INPP4B: variants seen among roughly 807,000 people sequenced by gnomAD.
The protein encoded by INPP4B is inositol polyphosphate 4-phosphatase type II.
Under a neutral mutation model 122.5 loss-of-function variants are expected in INPP4B, and 55 were observed. That is an observed-to-expected ratio of 0.45 (90% CI 0.36 to 0.56). The LOEUF (loss-of-function observed/expected upper bound fraction) is 0.56, where lower values mean the gene tolerates loss of function less well. Ranked by LOEUF, INPP4B falls within the 20% of genes least tolerant of loss-of-function variation. The probability of loss-of-function intolerance (pLI) is 0.00; values close to 1 mark genes in which losing one functional copy is unlikely to be tolerated. For missense variants in INPP4B, 1,000 were observed against 1,097.7 expected (o/e 0.91, Z 1.26); for synonymous variants, 403 against 388.7 (o/e 1.04, Z -0.43).
At chr4:142,231,124 T>C (rs1374247799) in intron 12 of INPP4B, among the ~76,000 whole-genome samples, 2 of 152,192 alleles carry the variant, frequency 1.3e-5, no homozygotes, top group African/African-American at 4.8e-5. Flanking sequence ...ATAAAAACAG[T>C]TCATGTTGAG....
At chr4:142,737,770 A>G (rs535002761) in intron 1 of INPP4B, among the ~76,000 whole-genome samples, 65 of 151,816 alleles carry the variant, frequency 4.3e-4, no homozygotes, top group African/African-American at 1.4e-3. Context: ...TTACAAGAAA[A>G]AAACAACCCC....
chr4:142,784,837 C>T (rs79513655), intron 1 of INPP4B, among the ~76,000 whole-genome samples: 12,309 of 152,072 alleles, frequency 0.081, 583 homozygotes, highest in Middle Eastern at 0.13. Context: ...TTTGCCAGAG[C>T]TTTATCTGAC....
chr4:142,605,702 T>C (rs1303125575), intron 2 of INPP4B, among the ~76,000 whole-genome samples: 1 of 151,868 alleles, frequency 6.6e-6, no homozygotes, highest in African/African-American at 2.4e-5. Context: ...ATTAATCATA[T>C]GGGAAACACA....
At chr4:142,578,669 T>G (rs79529098) in intron 2 of INPP4B, among the ~76,000 whole-genome samples, 6,855 of 152,020 alleles carry the variant, frequency 0.045, 215 homozygotes, top group African/African-American at 0.07. Context: ...CTTAATCACC[T>G]CTTTCAACCC....
intron 2 of INPP4B, among the ~76,000 whole-genome samples, chr4:142,714,996 T>A (rs1763582837): frequency 6.6e-6 from 1 of 152,112 alleles, no homozygotes; most frequent in Non-Finnish European, 1.5e-5. Context: ...AGGAAATAAA[T>A]TAGGAAAGTC....
intron 25 of INPP4B, among the ~76,000 whole-genome samples, chr4:142,078,227 G>A (rs1771908379): frequency 6.6e-6 from 1 of 151,954 alleles, no homozygotes. Flanking sequence ...TACAAAGGGT[G>A]GATTCAGGTG....
intron 2 of INPP4B, among the ~76,000 whole-genome samples, chr4:142,483,630 A>G (rs567629445): frequency 6.6e-6 from 1 of 152,202 alleles, no homozygotes; most frequent in Non-Finnish European, 1.5e-5. Context: ...AAGAAATGAT[A>G]TGATTAGAGG....
chr4:142,701,311 G>A (rs1761732230), intron 2 of INPP4B, among the ~76,000 whole-genome samples: 1 of 152,008 alleles, frequency 6.6e-6, no homozygotes, highest in African/African-American at 2.4e-5. Context: ...AGTAGGAGAT[G>A]CCCCAAAACA....
intron 2 of INPP4B, among the ~76,000 whole-genome samples, chr4:142,482,852 A>G (rs1194346092): frequency 6.6e-6 from 1 of 152,132 alleles, no homozygotes; most frequent in South Asian, 2.1e-4. Context: ...AGAGTTTACA[A>G]TTCCCATTGG....
At position 142,112,561 on chromosome 4, in the gene INPP4B, G is replaced by C. The variant is rs1790762489; in HGVS notation, c.2257C>G (p.Gln753Glu). ...PVLFNVGINEQQTLAERFGDV... is the reference protein window; with the variant it reads ...PVLFNVGINEEQTLAERFGDV... ...GCTTACCTTTCAGCCAGAGTTTGCT[G>C]TTCATTGATTCCAACATTAAAAAGT... is the stretch of plus-strand genomic sequence containing the variant. Residue 753 changes from glutamine (Q) to glutamate (E), a missense_variant, in exon 22 of 26, where the codon CAG becomes GAG. Physicochemically the swap from Gln to Glu is conservative, Grantham distance 29. Coordinates refer to ENST00000262992, the MANE Select transcript of INPP4B (RefSeq NM_001101669.3). 3 of 1,613,002 alleles carry C rather than the reference G, an allele frequency of 1.9e-6. No homozygotes were observed. The highest frequency in any genetic ancestry group is 1.3e-5 in the African/African-American group (1 of 74,978).
intron 23 of INPP4B, among the ~76,000 whole-genome samples, chr4:142,102,310 T>C (rs1784822552): frequency 6.6e-6 from 1 of 152,060 alleles, no homozygotes; most frequent in African/African-American, 2.4e-5. Context: ...TTACTTAAAC[T>C]AAACCTAAGT....
intron 23 of INPP4B, among the ~76,000 whole-genome samples, chr4:142,093,434 A>G (rs1315518628): frequency 1.3e-5 from 2 of 152,206 alleles, no homozygotes; most frequent in Non-Finnish European, 2.9e-5. Flanking sequence ...TTATCTGGCA[A>G]TAAGCAACCA....
chr4:142,780,172 G>A (rs1378556244), intron 1 of INPP4B, among the ~76,000 whole-genome samples: 1 of 152,114 alleles, frequency 6.6e-6, no homozygotes, highest in East Asian at 1.9e-4. Flanking sequence ...TCTTTAAAGT[G>A]AACATTATTT....
Position 142,360,780 on chromosome 4 carries a change from A to C in INPP4B, c.372+42158T>G, listed in dbSNP as rs555023628. Among the ~76,000 whole-genome samples, 19 of 152,070 alleles carry C rather than the reference A, an allele frequency of 1.2e-4. 1 individual carries two copies. The South Asian group carries it at 3.9e-3, about 32-fold the overall frequency. On this transcript the variant is annotated intron_variant, in intron 7 of 25. Transcript: ENST00000262992. ...CATTTAATTATGTCAATTCACAAAAATAGTGATTATCATTTATAACATGTT... is the reference window on the plus strand; with the variant it reads ...CATTTAATTATGTCAATTCACAAAACTAGTGATTATCATTTATAACATGTT...
rs187283414 is a variant in INPP4B, at chr4:142,696,870, T to A, written c.-191+28969A>T. On this transcript the variant is annotated intron_variant, in intron 2 of 25. Transcript: ENST00000262992. ...TTATTAAATTACTTCCCTTTGCATG[T>A]TTTACTTGTTTTTATAACAGTGCTT... is the stretch of plus-strand genomic sequence containing the variant. Among the ~76,000 whole-genome samples, 385 of 152,292 alleles carry A rather than the reference T, an allele frequency of 2.5e-3. 2 individuals carry two copies. Among genetic ancestry groups the A allele is most frequent in the African/African-American group, 8.9e-3 (368 of 41,578 alleles).
At chr4:142,183,105 C>G (rs1831615603) in intron 15 of INPP4B, among the ~76,000 whole-genome samples, 1 of 152,186 alleles carries the variant, frequency 6.6e-6, no homozygotes, top group African/African-American at 2.4e-5. Context: ...CTCTGTGTTG[C>G]TGGAGTTTAT....
chr4:142,065,673 G>A (rs1209825728), intron 25 of INPP4B, among the ~76,000 whole-genome samples: 3 of 152,142 alleles, frequency 2.0e-5, no homozygotes, highest in Non-Finnish European at 4.4e-5. Context: ...TCCAAGGGCT[G>A]GGGGGATGGC....
chr4:142,586,293 G>A (rs28612359), intron 2 of INPP4B, among the ~76,000 whole-genome samples: 2,140 of 145,912 alleles, frequency 0.015, 40 homozygotes, highest in African/African-American at 0.042. Flanking sequence ...CAGCCTGGTC[G>A]ACAGAGCTAG....
intron 3 of INPP4B, among the ~76,000 whole-genome samples, chr4:142,436,887 G>A (rs1337732743): frequency 6.6e-6 from 1 of 151,800 alleles, no homozygotes; most frequent in African/African-American, 2.4e-5. Flanking sequence ...TCTCCAACAA[G>A]GGCACAGAAC....
Sources: gnomAD v4.1 joint callset for allele counts (sites outside exome capture counted in the v4.1 genomes callset) on GRCh38, gnomAD v4.1.1 for gene constraint, MANE v1.5 for transcripts, NCBI Gene and HGNC (gene_info 2026-07-23, HGNC 2026-07-21) for gene names.